The following PDE4D variants were observed in gnomAD, a reference collection of about 807,000 sequenced individuals.
PDE4D encodes phosphodiesterase 4D.
In PDE4D, 24 loss-of-function variants were observed where a neutral mutation model predicts 87.4. That is an observed-to-expected ratio of 0.27 (90% CI 0.20 to 0.39). The LOEUF (loss-of-function observed/expected upper bound fraction) is 0.39, where lower values mean the gene tolerates loss of function less well. Ranked by LOEUF, PDE4D falls within the 10% of genes least tolerant of loss-of-function variation. The pLI, the probability that PDE4D is intolerant of heterozygous loss-of-function variation, is 1.00. For synonymous variants in PDE4D, 384 were observed against 383.2 expected (o/e 1.00, Z -0.02); for missense variants, 714 against 1,041.0 (o/e 0.69, Z 4.32).
intron 2 of PDE4D, among the ~76,000 whole-genome samples, chr5:60,104,283 T>A (rs864064): frequency 2.0e-5 from 3 of 151,942 alleles, no homozygotes; most frequent in East Asian, 1.9e-4. Context: ...GAGATCAAAC[T>A]GCAAGGTGGC....
intron 1 of PDE4D, among the ~76,000 whole-genome samples, chr5:59,755,692 TCA>T (rs1173665936): frequency 1.3e-5 from 2 of 151,920 alleles, no homozygotes; most frequent in Admixed American, 6.6e-5. Flanking sequence ...ATAAAAAAAA[TCA>T]CACTGCACAA....
At chr5:59,731,731 G>A (rs1390492530) in intron 1 of PDE4D, among the ~76,000 whole-genome samples, 2 of 152,108 alleles carry the variant, frequency 1.3e-5, no homozygotes, top group African/African-American at 2.4e-5. Flanking sequence ...TTTAGGTTTT[G>A]TTGGAGTTAA....
intron 2 of PDE4D, among the ~76,000 whole-genome samples, chr5:60,069,829 T>G (rs907599827): frequency 9.2e-5 from 14 of 152,290 alleles, no homozygotes; most frequent in Non-Finnish European, 1.9e-4. Flanking sequence ...CAATGTCTTT[T>G]GATTTGCTTA....
At chr5:59,106,788 C>A (rs2153436276) in intron 5 of PDE4D, among the ~76,000 whole-genome samples, 1 of 152,186 alleles carries the variant, frequency 6.6e-6, no homozygotes, top group East Asian at 1.9e-4. Flanking sequence ...AAAAACACCA[C>A]ACCATTTTAC....
At chr5:58,984,909 T>G (rs1243256222) in intron 11 of PDE4D, among the ~76,000 whole-genome samples, 6 of 151,966 alleles carry the variant, frequency 3.9e-5, no homozygotes, top group East Asian at 1.9e-4. Context: ...TTTATGGATT[T>G]ATTTATTTAT....
intron 1 of PDE4D, among the ~76,000 whole-genome samples, chr5:59,332,043 G>A (rs1390179154): frequency 6.6e-6 from 1 of 152,100 alleles, no homozygotes; most frequent in Admixed American, 6.5e-5. Context: ...AAGTATCTAT[G>A]AATAGAGAGC....
At chr5:60,410,334 G>A (rs1483600323) in intron 1 of PDE4D, among the ~76,000 whole-genome samples, 2 of 151,968 alleles carry the variant, frequency 1.3e-5, no homozygotes, top group African/African-American at 4.8e-5. Flanking sequence ...GGCTGCCTAA[G>A]CCCCTCCCCT....
intron 1 of PDE4D, among the ~76,000 whole-genome samples, chr5:60,397,822 C>A (rs572017978): frequency 2.0e-5 from 3 of 152,192 alleles, no homozygotes; most frequent in African/African-American, 7.2e-5. Flanking sequence ...TGCCTGAGCT[C>A]TCATGTTGGA....
At chr5:59,251,495 A>C (rs748918891) in intron 1 of PDE4D, among the ~76,000 whole-genome samples, 16 of 152,224 alleles carry the variant, frequency 1.1e-4, no homozygotes, top group Admixed American at 4.6e-4. Flanking sequence ...CATACCAGTC[A>C]TAATGGCTAT....
chr5:60,518,897 T>C (rs1446429329), intron 1 of PDE4D, among the ~76,000 whole-genome samples: 1 of 152,182 alleles, frequency 6.6e-6, no homozygotes, highest in African/African-American at 2.4e-5. Flanking sequence ...GGTAGACAGA[T>C]GGTATTTTGC....
At position 60,043,397 on chromosome 5, in the gene PDE4D, C is replaced by A. The variant is rs112036547; in HGVS notation, c.43-54680G>T. ...TCAGGATATTATCCAGTAGAATATC[C>A]CCAACCCAGCAAGACAGGCCAACAT... On this transcript the variant is annotated intron_variant, in intron 2 of 16. Coordinates refer to the PDE4D transcript ENST00000502484. 5.4e-3 allele frequency among the ~76,000 whole-genome samples: 824 copies of A among 152,094 alleles called. 5 individuals carry two copies. Among genetic ancestry groups the A allele is most frequent in the Non-Finnish European group, 5.7e-3 (390 of 67,990 alleles).
intron 1 of PDE4D, among the ~76,000 whole-genome samples, chr5:59,684,090 A>G (rs1045168658): frequency 6.6e-6 from 1 of 152,160 alleles, no homozygotes; most frequent in African/African-American, 2.4e-5. Flanking sequence ...TGAACTTGAA[A>G]ATGATGCCTA....
At chr5:59,116,770 G>A (rs1421346081) in intron 5 of PDE4D, among the ~76,000 whole-genome samples, 1 of 152,196 alleles carries the variant, frequency 6.6e-6, no homozygotes. Flanking sequence ...ACAAGGAATG[G>A]TGGGGGTGGT....
At chr5:60,163,864 G>C (rs1170379680) in intron 2 of PDE4D, among the ~76,000 whole-genome samples, 1 of 152,100 alleles carries the variant, frequency 6.6e-6, no homozygotes, top group African/African-American at 2.4e-5. Flanking sequence ...AAGAAGCCTG[G>C]CCCACTAGCC....
chr5:59,427,818 A>T (rs1378567457), intron 1 of PDE4D, among the ~76,000 whole-genome samples: 1 of 111,608 alleles, frequency 9.0e-6, no homozygotes, highest in African/African-American at 7.2e-5. Flanking sequence ...ACCCTGTCTC[A>T]AAAAAAAAAA....
chr5:60,413,241 T>C (rs368739666), intron 1 of PDE4D, among the ~76,000 whole-genome samples: 218 of 152,294 alleles, frequency 1.4e-3, no homozygotes, highest in African/African-American at 5.1e-3. Flanking sequence ...ACCCTCAGGA[T>C]TTTTAGAGAG....
At chr5:59,017,417 G>A (rs974190477) in intron 6 of PDE4D, among the ~76,000 whole-genome samples, 1 of 152,136 alleles carries the variant, frequency 6.6e-6, no homozygotes, top group African/African-American at 2.4e-5. Context: ...GAGAAGACCG[G>A]GGGAGGTACG....
chr5:59,651,028 G>A (rs1743374954), intron 1 of PDE4D, among the ~76,000 whole-genome samples: 1 of 151,988 alleles, frequency 6.6e-6, no homozygotes, highest in Non-Finnish European at 1.5e-5. Flanking sequence ...GGCCGAGGTG[G>A]GCGGATCACG....
intron 2 of PDE4D, among the ~76,000 whole-genome samples, chr5:60,015,466 A>G (rs1582185733): frequency 6.6e-6 from 1 of 152,288 alleles, no homozygotes; most frequent in Non-Finnish European, 1.5e-5. Context: ...TGACAGACCC[A>G]CTTGCTCTCC....
Sources: gnomAD v4.1 joint callset for allele counts (sites outside exome capture counted in the v4.1 genomes callset) on GRCh38, gnomAD v4.1.1 for gene constraint, MANE v1.5 for transcripts, NCBI Gene and HGNC (gene_info 2026-07-23, HGNC 2026-07-21) for gene names.